ARNT2: variants seen among roughly 807,000 people sequenced by gnomAD.
ARNT2 encodes aryl hydrocarbon receptor nuclear translocator 2.
ARNT2 carries 36 observed loss-of-function variants against 91.7 expected under a neutral mutation model. That is an observed-to-expected ratio of 0.39 (90% CI 0.30 to 0.52). The LOEUF (loss-of-function observed/expected upper bound fraction) is 0.52, where lower values mean the gene tolerates loss of function less well. ARNT2 is among the 20% of genes least tolerant of loss of function. The pLI, the probability that ARNT2 is intolerant of heterozygous loss-of-function variation, is 0.72. For synonymous variants in ARNT2, 365 were observed against 347.1 expected, an observed-to-expected ratio of 1.05 and a Z score of -0.57; for missense variants, 775 against 939.3, an observed-to-expected ratio of 0.83 and a Z score of 2.29.
At chr15:80,427,069 G>T (rs1204583036) in intron 1 of ARNT2, among the ~76,000 whole-genome samples, 2 of 152,140 alleles carry the variant, frequency 1.3e-5, no homozygotes, top group East Asian at 3.8e-4. Context: ...TTCAACATAT[G>T]AATTTTGGGT....
Position 80,593,740 on chromosome 15 carries a change from A to G in ARNT2, c.*42A>G, listed in dbSNP as rs745953020. On this transcript the variant is annotated 3_prime_UTR_variant, in exon 19 of 19. Coordinates refer to ENST00000303329, the MANE Select transcript of ARNT2 (RefSeq NM_014862.4). ...GCTCCTGCTGTACAGTGCCACCCAT[A>G]CTGTGATGTCGATGCCCATGTGAAT... The G allele has an allele frequency of 6.5e-7, 1 of 1,536,436 alleles. No individual in the cohort carries two copies. Among genetic ancestry groups the G allele is most frequent in the East Asian group, 2.3e-5 (1 of 42,714 alleles).
chr15:80,580,327 G>A (rs1182136055), intron 15 of ARNT2, 84 bp from the exon 16 acceptor site: 5 of 1,533,910 alleles, frequency 3.3e-6, no homozygotes, highest in African/African-American at 2.7e-5. Flanking sequence ...AGATGGCCCA[G>A]GGCAGATTGT....
chr15:80,433,233 ATTTATTTTAT>A (rs1321371343), intron 1 of ARNT2, among the ~76,000 whole-genome samples: 6,057 of 95,144 alleles, frequency 0.064, 207 homozygotes, highest in South Asian at 0.15. Context: ...ACTATATTTT[ATTTATTTTAT>A]TTTATTTTAT....
At chr15:80,457,904 C>T in intron 2 of ARNT2, 25 bp from the exon 3 acceptor site, 1 of 1,613,538 alleles carries the variant, frequency 6.2e-7, no homozygotes, top group South Asian at 1.1e-5. Flanking sequence ...ATAATCAGTG[C>T]TCACTTGTGA....
intron 11 of ARNT2, among the ~76,000 whole-genome samples, chr15:80,562,250 T>C (rs1898376499): frequency 6.6e-6 from 1 of 152,124 alleles, no homozygotes; most frequent in Non-Finnish European, 1.5e-5. Context: ...GTATTTTTAG[T>C]AGAGACGGGG....
intron 5 of ARNT2, among the ~76,000 whole-genome samples, chr15:80,495,735 C>T (rs1269417983): frequency 6.6e-6 from 1 of 152,200 alleles, no homozygotes; most frequent in Non-Finnish European, 1.5e-5. Context: ...CCCCAGCCCA[C>T]CTCTCCAGCC....
intron 5 of ARNT2, among the ~76,000 whole-genome samples, chr15:80,485,364 C>T (rs1807304269): frequency 2.0e-5 from 3 of 152,302 alleles, no homozygotes; most frequent in Admixed American, 2.0e-4. Context: ...TCCATTCATC[C>T]AGCATGTATT....
At chr15:80,545,304 G>C (rs1352108060) in intron 8 of ARNT2, among the ~76,000 whole-genome samples, 2 of 152,204 alleles carry the variant, frequency 1.3e-5, no homozygotes, top group African/African-American at 4.8e-5. Context: ...TCTTGAAAGA[G>C]GGCAGGGCTC....
intron 1 of ARNT2, among the ~76,000 whole-genome samples, chr15:80,424,367 G>T (rs1485828469): frequency 2.0e-5 from 3 of 152,200 alleles, no homozygotes; most frequent in Non-Finnish European, 4.4e-5. Context: ...CATCTGGTTT[G>T]CACACCACTC....
intron 1 of ARNT2, among the ~76,000 whole-genome samples, chr15:80,416,827 A>C (rs1024399739): frequency 2.0e-5 from 3 of 152,208 alleles, no homozygotes; most frequent in Non-Finnish European, 4.4e-5. Context: ...TACTTTTAAC[A>C]ATCATTTAAA....
At chr15:80,459,754 C>T (rs1380523546) in intron 3 of ARNT2, among the ~76,000 whole-genome samples, 2 of 152,210 alleles carry the variant, frequency 1.3e-5, no homozygotes, top group Non-Finnish European at 2.9e-5. Context: ...GGTTCAAACC[C>T]AGGCATCTGT....
intron 1 of ARNT2, among the ~76,000 whole-genome samples, chr15:80,416,468 C>G (rs1895787225): frequency 6.6e-6 from 1 of 152,160 alleles, no homozygotes; most frequent in African/African-American, 2.4e-5. Flanking sequence ...AATGTAATAG[C>G]ATTATCTAAT....
At chr15:80,423,205 C>T (rs541433456) in intron 1 of ARNT2, among the ~76,000 whole-genome samples, 9 of 152,294 alleles carry the variant, frequency 5.9e-5, no homozygotes, top group South Asian at 4.1e-4. Context: ...AAATGTGTTT[C>T]GTGCAGCACC....
intron 1 of ARNT2, among the ~76,000 whole-genome samples, chr15:80,432,558 G>A (rs549535415): frequency 1.4e-4 from 21 of 152,218 alleles, no homozygotes; most frequent in Admixed American, 3.3e-4. Context: ...TAACTGCAGC[G>A]TTGAGTAGTT....
At chr15:80,493,595 T>A (rs900414809) in intron 5 of ARNT2, among the ~76,000 whole-genome samples, 1 of 152,214 alleles carries the variant, frequency 6.6e-6, no homozygotes, top group Non-Finnish European at 1.5e-5. Flanking sequence ...CTGGCCTCAC[T>A]GTGATTATAC....
intron 1 of ARNT2, among the ~76,000 whole-genome samples, chr15:80,445,442 T>G (rs184873812): frequency 0.012 from 1,830 of 147,302 alleles, 48 homozygotes; most frequent in African/African-American, 0.045. Flanking sequence ...TGTGTGTGAG[T>G]GTTGTGTATG....
chr15:80,546,452 A>G (rs897836050), intron 8 of ARNT2, among the ~76,000 whole-genome samples: 5 of 152,236 alleles, frequency 3.3e-5, no homozygotes, highest in Admixed American at 2.0e-4. Context: ...GTTCCTTAGC[A>G]TGGAAGGAGA....
intron 8 of ARNT2, among the ~76,000 whole-genome samples, chr15:80,536,101 T>A (rs1383653197): frequency 6.6e-6 from 1 of 152,108 alleles, no homozygotes; most frequent in Non-Finnish European, 1.5e-5. Context: ...TTGTCTGGGG[T>A]AAATACCCGA....
intron 14 of ARNT2, among the ~76,000 whole-genome samples, chr15:80,576,423 G>T (rs1285096183): frequency 1.3e-5 from 2 of 152,042 alleles, no homozygotes; most frequent in Non-Finnish European, 2.9e-5. Context: ...ACTACAGATG[G>T]CTGCCACCAT....
Sources: gnomAD v4.1 joint callset for allele counts (sites outside exome capture counted in the v4.1 genomes callset) on GRCh38, gnomAD v4.1.1 for gene constraint, MANE v1.5 for transcripts, NCBI Gene and HGNC (gene_info 2026-07-23, HGNC 2026-07-21) for gene names.